KNTC1: variants seen among roughly 807,000 people sequenced by gnomAD.
KNTC1 encodes the protein kinetochore-associated protein 1.
KNTC1 carries 253 observed loss-of-function variants against 314.4 expected under a neutral mutation model. The ratio of observed to expected loss-of-function variants is 0.80; its 90% confidence interval spans 0.73 to 0.89. KNTC1 has a LOEUF of 0.89. Among genes scored for constraint, KNTC1 ranks in the 40% least tolerant of loss-of-function variants. KNTC1 has a pLI of 0.00. For missense variants in KNTC1, 2,475 were observed against 2,572.9 expected (o/e 0.96, Z 0.82); for synonymous variants, 901 against 901.4 (o/e 1.00, Z 0.01).
intron 16 of KNTC1, among the ~76,000 whole-genome samples, chr12:122,552,032 C>T (rs151191879): frequency 0.051 from 7,808 of 152,042 alleles, 639 homozygotes; most frequent in African/African-American, 0.18. Context: ...CTCAGCCTAC[C>T]GAGTAGCTGG....
chr12:122,570,735 C>A, intron 22 of KNTC1, 141 bp from the exon 23 acceptor site: 1 of 627,844 alleles, frequency 1.6e-6, no homozygotes, highest in Non-Finnish European at 2.8e-6. Flanking sequence ...TACGTGCCCA[C>A]ACACAAGCAA....
At chr12:122,596,986 T>C (rs1871140693) in intron 43 of KNTC1, among the ~76,000 whole-genome samples, 1 of 152,198 alleles carries the variant, frequency 6.6e-6, no homozygotes, top group Non-Finnish European at 1.5e-5. Context: ...TTCTTTAAGA[T>C]GTATTGTTAG....
intron 3 of KNTC1, among the ~76,000 whole-genome samples, chr12:122,537,084 T>A (rs1457405918): frequency 6.6e-6 from 1 of 152,214 alleles, no homozygotes; most frequent in African/African-American, 2.4e-5. Context: ...CGTAAGCCAG[T>A]TACATACTAT....
chr12:122,588,919 T>G, intron 40 of KNTC1, 103 bp downstream of exon 40: 1 of 606,980 alleles, frequency 1.6e-6, no homozygotes. Context: ...ACAGTAGTAT[T>G]TTACTATTCA....
Position 122,530,102 on chromosome 12 carries a change from CG to C in KNTC1, c.41del (p.Gly14GlufsTer5). ...TTGAGCTGCTAACAAATGATGATACCGGAAGTGGGTACCTGAGTGTCGGTTC... is the reference window on the plus strand; with the variant it reads ...TTGAGCTGCTAACAAATGATGATACCGAAGTGGGTACCTGAGTGTCGGTTC... The part of the protein sequence containing the change: ...DIELLTNDDT[G>X]SGYLSVGSRK... On this transcript the variant is annotated frameshift_variant, in exon 2 of 64. Transcript: ENST00000333479. LOFTEE classifies it high-confidence loss of function. The C allele has an allele frequency of 6.2e-7, 1 of 1,613,622 alleles. No homozygotes were observed. Among genetic ancestry groups the C allele is most frequent in the Non-Finnish European group, 8.5e-7 (1 of 1,179,684 alleles).
At chr12:122,599,244 G>A (rs1792281103) in intron 44 of KNTC1, among the ~76,000 whole-genome samples, 1 of 151,930 alleles carries the variant, frequency 6.6e-6, no homozygotes, top group African/African-American at 2.4e-5. Flanking sequence ...GGAACTACAG[G>A]GACTACACCT....
chr12:122,555,254 A>T (rs1963502281), intron 16 of KNTC1, among the ~76,000 whole-genome samples: 1 of 152,200 alleles, frequency 6.6e-6, no homozygotes, highest in African/African-American at 2.4e-5. Flanking sequence ...TCGGTTGATA[A>T]ATAATCATAT....
In KNTC1 at chr12:122,563,766, C is replaced by T. The variant is rs61062446; in HGVS notation, c.1604+1067C>T. On this transcript the variant is annotated intron_variant, in intron 20 of 63. Transcript: ENST00000333479. ...TAGAATGATCTGGCTCTTCTTGTAA[C>T]GCCAGTCGTGCCCATATGATGACTC... 6.9e-3 allele frequency: 9,990 copies of T among 1,454,054 alleles called. 613 individuals are homozygous for T. In the African/African-American group the frequency reaches 0.13, roughly 18 times the overall value. The allele number at this position is 1,454,054 out of a possible 1,614,324, so 90.1% of individuals were successfully genotyped here.
chr12:122,604,880 G>A lies in KNTC1; in HGVS notation c.5179G>A (p.Glu1727Lys), dbSNP rs1380193596. The change falls in exon 50 of 64, where the codon GAA becomes AAA. Residue 1727 changes from glutamate to lysine, a missense_variant. Transcript: ENST00000333479. ...TTTGCTTGGAATTGTTTAAAAGGAC[G>A]AAAAACGTGAAAAAGCCGAGGCTTT... ...RWLQNIPSQDEKREKAEALLK... is the reference protein window; with the variant it reads ...RWLQNIPSQDKKREKAEALLK... 18 of 1,598,228 alleles carry A rather than the reference G, an allele frequency of 1.1e-5. No individual in the cohort carries two copies. Among genetic ancestry groups the A allele is most frequent in the East Asian group, 6.8e-5 (3 of 44,422 alleles).
At chr12:122,608,655 C>T (rs1355562867) in intron 51 of KNTC1, among the ~76,000 whole-genome samples, 1 of 152,192 alleles carries the variant, frequency 6.6e-6, no homozygotes, top group African/African-American at 2.4e-5. Context: ...AGGCCAGAAA[C>T]TGCATGTATA....
At position 122,582,857 on chromosome 12, in the gene KNTC1, C is replaced by A. The variant is rs1868618519; in HGVS notation, c.3135C>A (p.Ser1045Arg). 1 of 1,611,886 alleles carries A rather than the reference C, an allele frequency of 6.2e-7. No homozygotes were observed. Among genetic ancestry groups the A allele is most frequent in the Admixed American group, 1.7e-5 (1 of 59,562 alleles). ...TPEPIAAEVR[S>R]PSMESKLHRQ... The stretch of plus-strand genomic sequence containing the variant: ...AGCCCATAGCTGCTGAGGTGAGGAG[C>A]CCAAGCATGGAATCAAAGCTGCACA... The change falls in exon 34 of 64, where the codon AGC becomes AGA. Residue 1045 changes from serine to arginine, a missense_variant. By Grantham distance (110) the Ser-to-Arg change is moderately radical (BLOSUM62 -1). Transcript: ENST00000333479.
At chr12:122,571,252 T>A (rs570903299) in intron 24 of KNTC1, 126 bp downstream of exon 24, 19 of 610,450 alleles carry the variant, frequency 3.1e-5, no homozygotes, top group Non-Finnish European at 5.1e-5. Context: ...TGTGCCTTTT[T>A]TTTGTTTTGT....
At chr12:122,616,673 A>G (rs780623566) in intron 57 of KNTC1, among the ~76,000 whole-genome samples, 3 of 152,232 alleles carry the variant, frequency 2.0e-5, no homozygotes, top group African/African-American at 4.8e-5. Flanking sequence ...TTGTTTTCAC[A>G]TAACAGTGGT....
chr12:122,550,609 C>G (rs1401622116), intron 13 of KNTC1, among the ~76,000 whole-genome samples: 1 of 152,092 alleles, frequency 6.6e-6, no homozygotes, highest in Non-Finnish European at 1.5e-5. Context: ...CTCAAGTGGT[C>G]CTCCTGCTTC....
chr12:122,588,272 T>G (rs1005429442), intron 39 of KNTC1, among the ~76,000 whole-genome samples: 1 of 152,220 alleles, frequency 6.6e-6, no homozygotes, highest in Non-Finnish European at 1.5e-5. Flanking sequence ...CAAATTATTA[T>G]AATTATTTCT....
At chr12:122,585,500 C>A in intron 36 of KNTC1, 136 bp from the exon 37 acceptor site, 1 of 913,820 alleles carries the variant, frequency 1.1e-6, no homozygotes. Flanking sequence ...ATTGGGCCTC[C>A]AGCAAGGCCT....
intron 20 of KNTC1, 116 bp from the exon 21 acceptor site, chr12:122,568,145 G>T: frequency 1.6e-6 from 1 of 620,162 alleles, no homozygotes. Context: ...TTAGTTTTTT[G>T]TTTTTACCTT....
At chr12:122,560,021 C>A (rs750449255) in intron 18 of KNTC1, among the ~76,000 whole-genome samples, 1 of 152,152 alleles carries the variant, frequency 6.6e-6, no homozygotes, top group African/African-American at 2.4e-5. Flanking sequence ...CTCCCCAGCC[C>A]CTGGCAAACC....
chr12:122,552,608 T>C (rs1464733083), intron 16 of KNTC1, among the ~76,000 whole-genome samples: 4 of 152,118 alleles, frequency 2.6e-5, no homozygotes, highest in Non-Finnish European at 4.4e-5. Context: ...AAGAGATCTG[T>C]CTACCTTGGC....
Sources: allele counts gnomAD v4.1 joint callset (sites outside exome capture counted in the v4.1 genomes callset), GRCh38; gene constraint gnomAD v4.1.1; transcripts MANE v1.5; gene names NCBI Gene and HGNC (gene_info 2026-07-23, HGNC 2026-07-21).